Variants in ADAMTS17 observed in about 807,000 individuals in gnomAD.
ADAMTS17 encodes the protein A disintegrin and metalloproteinase with thrombospondin motifs 17.
Under a neutral mutation model 141.5 loss-of-function variants are expected in ADAMTS17, and 113 were observed. The observed-to-expected ratio is 0.80, with a 90% CI of 0.69 to 0.93. The LOEUF is 0.93. ADAMTS17 is among the 40% of genes least tolerant of loss of function. ADAMTS17 has a pLI of 0.00. For synonymous variants in ADAMTS17, 768 were observed against 630.6 expected (o/e 1.22, Z -3.27); for missense variants, 1,659 against 1,517.9 (o/e 1.09, Z -1.54).
intron 8 of ADAMTS17, among the ~76,000 whole-genome samples, chr15:100,196,606 C>A (rs184262572): frequency 6.6e-6 from 1 of 152,366 alleles, no homozygotes; most frequent in East Asian, 1.9e-4. Context: ...GGTAAGGGAC[C>A]GGTGGGTGAG....
chr15:100,190,616 C>G (rs767598496), intron 8 of ADAMTS17, among the ~76,000 whole-genome samples: 3 of 152,182 alleles, frequency 2.0e-5, no homozygotes, highest in Non-Finnish European at 4.4e-5. Flanking sequence ...CCAAGAGGGG[C>G]AGGTCTGGAG....
intron 4 of ADAMTS17, among the ~76,000 whole-genome samples, chr15:100,278,462 C>T (rs1177912932): frequency 6.6e-6 from 1 of 152,174 alleles, no homozygotes; most frequent in Non-Finnish European, 1.5e-5. Flanking sequence ...GAGGCCACGT[C>T]GGAAAGCAGA....
intron 16 of ADAMTS17, among the ~76,000 whole-genome samples, chr15:100,052,110 G>C (rs1279701323): frequency 6.6e-6 from 1 of 152,266 alleles, no homozygotes; most frequent in Non-Finnish European, 1.5e-5. Flanking sequence ...TGCCCTTGCA[G>C]ACAGGAAAGA....
chr15:100,019,898 C>T lies in ADAMTS17; in HGVS notation c.2592-22309G>A, dbSNP rs144311492. 8.2e-3 allele frequency among the ~76,000 whole-genome samples: 1,254 copies of T among 152,236 alleles called. 8 individuals carry two copies. The highest frequency in any genetic ancestry group is 0.01 in the Middle Eastern group (3 of 294). ...TGATTCTGCACCACTGGCCTGCACA[C>T]GGGTCCTTGTCATTGCTTTCTTTGT... On this transcript the variant is annotated intron_variant, in intron 18 of 21. Transcript: ENST00000268070.
At chr15:100,264,148 A>G (rs1033901079) in intron 4 of ADAMTS17, among the ~76,000 whole-genome samples, 3 of 152,260 alleles carry the variant, frequency 2.0e-5, no homozygotes, top group Admixed American at 1.3e-4. Flanking sequence ...TGCGATTTCC[A>G]AAATCTCCTT....
rs188838011 is a variant in ADAMTS17 at position 100,104,645 on chromosome 15, G to A, written c.2016+4344C>T. Among the ~76,000 whole-genome samples, 83 of 152,226 alleles carry A rather than the reference G, an allele frequency of 5.5e-4. 1 individual carries two copies. The highest frequency in any genetic ancestry group is 1.0e-3 in the Admixed American group (16 of 15,302). On this transcript the variant is annotated intron_variant, in intron 14 of 21. Transcript: ENST00000268070. ...AGGAAAACGCTAGTAGGCAAACCAC[G>A]GCAATATTTCTGTGAGTGCTGTCTC...
rs1193708360 is a variant in ADAMTS17 at position 100,196,303 on chromosome 15, G to C, written c.1181+3015C>G. ...GAAAGTATAATTCCAGGATGTAGAT[G>C]AGTTAATTGCTGAAAATAAGCCCTA... is the stretch of plus-strand genomic sequence containing the variant. On this transcript the variant is annotated intron_variant, in intron 8 of 21. Transcript: ENST00000268070. 2.0e-5 allele frequency among the ~76,000 whole-genome samples: 3 copies of C among 152,244 alleles called. No individual in the cohort carries two copies. In the East Asian group the frequency reaches 5.8e-4, roughly 29 times the overall value.
At chr15:100,035,704 T>C (rs1213385176) in intron 18 of ADAMTS17, among the ~76,000 whole-genome samples, 2 of 152,146 alleles carry the variant, frequency 1.3e-5, no homozygotes, top group South Asian at 2.1e-4. Context: ...CCCCAGAGAC[T>C]GGCCTCCCTG....
At chr15:100,265,236 A>G (rs2043669019) in intron 4 of ADAMTS17, among the ~76,000 whole-genome samples, 1 of 152,224 alleles carries the variant, frequency 6.6e-6, no homozygotes, top group African/African-American at 2.4e-5. Flanking sequence ...AAGCCAGGCG[A>G]GCCAGGTGAC....
chr15:100,067,389 A>G (rs2033617309), intron 15 of ADAMTS17, among the ~76,000 whole-genome samples: 1 of 152,264 alleles, frequency 6.6e-6, no homozygotes, highest in Non-Finnish European at 1.5e-5. Flanking sequence ...TGTCTCAGCA[A>G]TATTCCTTGG....
At chr15:100,232,913 G>A (rs528818211) in intron 7 of ADAMTS17, among the ~76,000 whole-genome samples, 19 of 152,212 alleles carry the variant, frequency 1.2e-4, no homozygotes, top group Non-Finnish European at 1.8e-4. Flanking sequence ...GAGGGACGCC[G>A]TGAATCTCCA....
intron 8 of ADAMTS17, among the ~76,000 whole-genome samples, chr15:100,198,748 T>C (rs1293579244): frequency 6.6e-6 from 1 of 152,352 alleles, no homozygotes; most frequent in East Asian, 1.9e-4. Flanking sequence ...TCTGACGCTC[T>C]GTTTCCTCAT....
At chr15:100,105,243 C>T (rs2036342883) in intron 14 of ADAMTS17, among the ~76,000 whole-genome samples, 1 of 152,176 alleles carries the variant, frequency 6.6e-6, no homozygotes, top group South Asian at 2.1e-4. Flanking sequence ...AATTGGTAGG[C>T]AGGGTCTCTG....
intron 7 of ADAMTS17, among the ~76,000 whole-genome samples, chr15:100,225,222 G>A (rs2042256370): frequency 1.3e-5 from 2 of 152,192 alleles, no homozygotes; most frequent in Admixed American, 6.5e-5. Context: ...TTTATAAAAG[G>A]GCTAAAAGAT....
chr15:99,980,409 T>C (rs2060460609), intron 20 of ADAMTS17: 1 of 152,232 alleles, frequency 6.6e-6, no homozygotes, highest in South Asian at 2.1e-4. Flanking sequence ...TCAGATCTTT[T>C]CTCGGGCCAT....
chr15:100,161,826 C>T (rs2039705116), intron 8 of ADAMTS17, among the ~76,000 whole-genome samples: 1 of 152,180 alleles, frequency 6.6e-6, no homozygotes, highest in Admixed American at 6.5e-5. Flanking sequence ...ATCAATAACC[C>T]CCTTTACGGA....
At chr15:100,102,393 C>T (rs1332517271) in intron 14 of ADAMTS17, among the ~76,000 whole-genome samples, 5 of 95,944 alleles carry the variant, frequency 5.2e-5, no homozygotes, top group South Asian at 3.9e-4. Flanking sequence ...GAGGGCCGAC[C>T]GAAGGGGATC....
chr15:100,188,278 T>G (rs894165919), intron 8 of ADAMTS17, among the ~76,000 whole-genome samples: 1 of 151,942 alleles, frequency 6.6e-6, no homozygotes, highest in Non-Finnish European at 1.5e-5. Flanking sequence ...GGTTTCTCCA[T>G]GTTGGTCAGG....
rs907394876 is a variant in ADAMTS17, at chr15:100,154,881, C to T, written c.1322+299G>A. Among the ~76,000 whole-genome samples the T allele has an allele frequency of 5.3e-5, 8 of 152,200 alleles. No homozygotes were observed. In the South Asian group the frequency reaches 8.3e-4, roughly 16 times the overall value. On this transcript the variant is annotated intron_variant, in intron 9 of 21. Coordinates refer to ENST00000268070, the MANE Select transcript of ADAMTS17 (RefSeq NM_139057.4). Reference sequence around the variant, plus strand: ...GGGCGCCCCAAGGTGACCACACGGTCACAACACTGCAGAGGAATGAAATGG... The same window carrying T: ...GGGCGCCCCAAGGTGACCACACGGTTACAACACTGCAGAGGAATGAAATGG...
Sources: gnomAD v4.1 joint callset for allele counts (sites outside exome capture counted in the v4.1 genomes callset) on GRCh38, gnomAD v4.1.1 for gene constraint, MANE v1.5 for transcripts, NCBI Gene and HGNC (gene_info 2026-07-23, HGNC 2026-07-21) for gene names.